Variants in SMC1B observed in about 807,000 individuals in gnomAD.
SMC1B encodes structural maintenance of chromosomes 1B, also known as structural maintenance of chromosomes protein 1B.
In SMC1B, 60 loss-of-function variants were observed where a neutral mutation model predicts 157.9. The ratio of observed to expected loss-of-function variants is 0.38; its 90% CI spans 0.31 to 0.47. The LOEUF is 0.47. Among genes scored for constraint, SMC1B ranks in the 20% least tolerant of loss-of-function variants. The pLI, the probability that SMC1B is intolerant of heterozygous loss-of-function variation, is 0.99. For synonymous variants in SMC1B, 445 were observed against 483.0 expected (o/e 0.92, Z 1.03); for missense variants, 1,165 against 1,426.2 (o/e 0.82, Z 2.95).
intron 1 of SMC1B, among the ~76,000 whole-genome samples, chr22:45,413,017 G>A (rs980425688): frequency 1.3e-5 from 2 of 151,914 alleles, no homozygotes; most frequent in Non-Finnish European, 2.9e-5. Context: ...AGGGCCCAGG[G>A]CGGGACCGGG....
chr22:45,363,184 A>G (rs2086738288), intron 15 of SMC1B, among the ~76,000 whole-genome samples, 158 bp from the exon 16 acceptor site: 1 of 152,188 alleles, frequency 6.6e-6, no homozygotes, highest in African/African-American at 2.4e-5. Context: ...ATTCATGGTC[A>G]TTCTTGTTTC....
chr22:45,370,394 T>C (rs2086819872), intron 14 of SMC1B, among the ~76,000 whole-genome samples: 1 of 152,334 alleles, frequency 6.6e-6, no homozygotes, highest in Middle Eastern at 3.4e-3. Context: ...GGAAAGATTC[T>C]TTATGTATGA....
intron 11 of SMC1B, among the ~76,000 whole-genome samples, chr22:45,385,821 A>T (rs1018722271): frequency 2.0e-5 from 3 of 152,094 alleles, no homozygotes; most frequent in Non-Finnish European, 4.4e-5. Flanking sequence ...CAGTGATCAC[A>T]TTATGCTTAA....
At chr22:45,345,677 A>G in intron 23 of SMC1B, 108 bp from the exon 24 acceptor site, 1 of 657,110 alleles carries the variant, frequency 1.5e-6, no homozygotes, top group Non-Finnish European at 2.8e-6. Context: ...GGTGACAAGG[A>G]CTTATCCACC....
At chr22:45,349,668 T>G (rs2086591425) in intron 23 of SMC1B, 60 bp downstream of exon 23, 1 of 1,465,378 alleles carries the variant, frequency 6.8e-7, no homozygotes, top group Non-Finnish European at 9.5e-7. Context: ...TTTCCATTGC[T>G]TGCCTCACAT....
chr22:45,409,422 G>A (rs115555218), intron 1 of SMC1B, among the ~76,000 whole-genome samples: 2,724 of 151,968 alleles, frequency 0.018, 87 homozygotes, highest in African/African-American at 0.063. Context: ...AAAAATAGCC[G>A]AGCTTGGTGG....
At chr22:45,369,313 G>T (rs2086806947) in intron 15 of SMC1B, among the ~76,000 whole-genome samples, 1 of 151,684 alleles carries the variant, frequency 6.6e-6, no homozygotes, top group South Asian at 2.1e-4. Context: ...AGCCAGGATG[G>T]TCTCTATCTC....
At chr22:45,404,747 T>C (rs972108681) in intron 4 of SMC1B, among the ~76,000 whole-genome samples, 1 of 152,228 alleles carries the variant, frequency 6.6e-6, no homozygotes, top group East Asian at 1.9e-4. Context: ...CTTACAAGTA[T>C]TGACTGATGT....
chr22:45,388,640 A>G (rs1326162691), intron 10 of SMC1B, among the ~76,000 whole-genome samples: 2 of 152,168 alleles, frequency 1.3e-5, no homozygotes, highest in East Asian at 3.9e-4. Flanking sequence ...TAAGGTAAGA[A>G]TTAATTCTTC....
intron 17 of SMC1B, 73 bp from the exon 18 acceptor site, chr22:45,360,031 C>T: frequency 1.7e-6 from 2 of 1,162,986 alleles, no homozygotes; most frequent in South Asian, 1.5e-5. Context: ...AAAATGTATG[C>T]TATAAACTTT....
chr22:45,407,743 C>T (rs1008185687), intron 2 of SMC1B, among the ~76,000 whole-genome samples: 5 of 152,146 alleles, frequency 3.3e-5, no homozygotes, highest in African/African-American at 1.2e-4. Context: ...GCCCCATGCC[C>T]AGCCTATATT....
chr22:45,355,970 T>C (rs913157332), intron 19 of SMC1B, among the ~76,000 whole-genome samples: 3 of 152,150 alleles, frequency 2.0e-5, no homozygotes, highest in Non-Finnish European at 4.4e-5. Context: ...CTTGGGAGGC[T>C]GAGGCAGGAC....
intron 12 of SMC1B, among the ~76,000 whole-genome samples, chr22:45,374,616 T>C (rs188414733): frequency 3.2e-4 from 49 of 152,366 alleles, no homozygotes; most frequent in Non-Finnish European, 5.3e-4. Flanking sequence ...TTGTTTTCCT[T>C]CTTTTTTCCC....
intron 18 of SMC1B, 112 bp downstream of exon 18, chr22:45,359,693 A>C: frequency 8.6e-7 from 1 of 1,161,874 alleles, no homozygotes; most frequent in East Asian, 2.5e-5. Flanking sequence ...CCCTCCTATG[A>C]GATGTCTTCA....
chr22:45,399,273 A>G lies in SMC1B; in HGVS notation c.935T>C (p.Leu312Ser). The change falls in exon 6 of 25, where the codon TTA becomes TCA. Residue 312 changes from leucine to serine, a missense_variant. Transcript: ENST00000357450. Reference protein sequence around the residue: ...KENTSHHLKKLDVAKKSIKDS... With the variant: ...KENTSHHLKKSDVAKKSIKDS... ...CTTTATTGATTTCTTAGCCACATCTAATTTCTTAAGGTGGTGAGAAGTGTT... is the reference window on the plus strand; with the variant it reads ...CTTTATTGATTTCTTAGCCACATCTGATTTCTTAAGGTGGTGAGAAGTGTT... 1 of 1,613,936 alleles carries G rather than the reference A, an allele frequency of 6.2e-7. No individual in the cohort carries two copies. Among genetic ancestry groups the G allele is most frequent in the Non-Finnish European group, 8.5e-7 (1 of 1,179,870 alleles).
intron 2 of SMC1B, 46 bp from the exon 3 acceptor site, chr22:45,406,911 A>G (rs1040286327): frequency 1.1e-5 from 15 of 1,331,234 alleles, no homozygotes; most frequent in Admixed American, 5.0e-5. Context: ...TAAATACCAG[A>G]TATACCTCAA....
At chr22:45,348,196 T>G (rs2086571222) in intron 23 of SMC1B, among the ~76,000 whole-genome samples, 1 of 152,230 alleles carries the variant, frequency 6.6e-6, no homozygotes. Flanking sequence ...TCTCTCATTC[T>G]CTCAAAGACT....
At chr22:45,388,595 T>C (rs952474297) in intron 10 of SMC1B, among the ~76,000 whole-genome samples, 10 of 152,144 alleles carry the variant, frequency 6.6e-5, no homozygotes, top group African/African-American at 2.2e-4. Flanking sequence ...CTATGCCAGG[T>C]GCTTTACAAG....
Position 45,406,793 on chromosome 22 carries a change from A to G in SMC1B, c.371T>C (p.Ile124Thr), listed in dbSNP as rs1041149613. The change falls in exon 3 of 25, where the codon ATA becomes ACA. Residue 124 changes from isoleucine (I) to threonine (T), a missense_variant. Transcript: ENST00000357450. Reference sequence around the variant, plus strand: ...ATTTTGTGCTTTGACTATTATGCCTATCTTTTCCAACTCTGCAATGTAAAC... The same window carrying G: ...ATTTTGTGCTTTGACTATTATGCCTGTCTTTTCCAACTCTGCAATGTAAAC... Reference protein sequence around the residue: ...RSVYIAELEKIGIIVKAQNCL... With the variant: ...RSVYIAELEKTGIIVKAQNCL... The G allele has an allele frequency of 5.0e-6, 8 of 1,597,278 alleles. No homozygotes were observed. Among genetic ancestry groups the G allele is most frequent in the South Asian group, 2.3e-5 (2 of 86,778 alleles).
Sources: gnomAD v4.1 joint callset for allele counts (sites outside exome capture counted in the v4.1 genomes callset) on GRCh38, gnomAD v4.1.1 for gene constraint, MANE v1.5 for transcripts, NCBI Gene and HGNC (gene_info 2026-07-23, HGNC 2026-07-21) for gene names.